The following CUX1 variants were observed in gnomAD, a reference collection of about 807,000 sequenced individuals.
CUX1 encodes protein CASP.
In CUX1, 31 loss-of-function variants were observed where a neutral mutation model predicts 158.8. The observed-to-expected ratio is 0.20, with a 90% CI of 0.15 to 0.26. The LOEUF is 0.26. Ranked by LOEUF, CUX1 falls within the 10% of genes least tolerant of loss-of-function variation. The probability of loss-of-function intolerance (pLI) is 1.00; values close to 1 mark genes in which losing one functional copy is unlikely to be tolerated. For synonymous variants in CUX1, 879 were observed against 862.1 expected (o/e 1.02, Z -0.34); for missense variants, 1,589 against 2,014.6 (o/e 0.79, Z 4.04).
At chr7:102,260,061 C>T (rs1353187190), downstream of CUX1, among the ~76,000 whole-genome samples, 2 of 151,036 alleles carry the variant, frequency 1.3e-5, no homozygotes, top group Admixed American at 1.3e-4. Context: ...CACCACTGCA[C>T]TCCAGCCTGG....
chr7:101,838,569 A>T (rs1372460815), intron 1 of CUX1, among the ~76,000 whole-genome samples: 8 of 150,934 alleles, frequency 5.3e-5, no homozygotes. Flanking sequence ...TGGGAGGCCG[A>T]GGTGGGTGGA....
At chr7:102,245,876 G>C (rs782270625) in intron 23 of CUX1, among the ~76,000 whole-genome samples, 1 of 151,718 alleles carries the variant, frequency 6.6e-6, no homozygotes, top group Non-Finnish European at 1.5e-5. Context: ...GGAGGCTGAG[G>C]CAGGAGAATC....
upstream of CUX1, chr7:101,817,494 C>A (rs1417568575): frequency 4.5e-6 from 5 of 1,119,660 alleles, no homozygotes; most frequent in African/African-American, 8.3e-5. This position sits in a 1 kb window ranked among gnomAD's most constrained non-coding sequence, Gnocchi z 4.1. Context: ...GCTCCCCGGC[C>A]CGCGCCCGAG....
intron 14 of CUX1, among the ~76,000 whole-genome samples, chr7:102,196,270 T>A (rs1554518292): frequency 6.6e-6 from 1 of 152,214 alleles, no homozygotes; most frequent in Non-Finnish European, 1.5e-5. Flanking sequence ...CAGTGTTTGC[T>A]GCTCCTCCGG....
intron 8 of CUX1, among the ~76,000 whole-genome samples, chr7:102,145,869 C>T (rs1036773617): frequency 6.6e-6 from 1 of 152,148 alleles, no homozygotes; most frequent in East Asian, 1.9e-4. Flanking sequence ...ATTGCTTGAA[C>T]CTGGGAGGCA....
chr7:102,086,888 A>G (rs1417710981), intron 4 of CUX1, among the ~76,000 whole-genome samples: 6 of 152,174 alleles, frequency 3.9e-5, no homozygotes, highest in African/African-American at 7.2e-5. Context: ...AGTTTATACA[A>G]TGACCTTCAT....
At chr7:102,085,162 TA>T (rs1827833585) in intron 4 of CUX1, among the ~76,000 whole-genome samples, 1 of 152,324 alleles carries the variant, frequency 6.6e-6, no homozygotes, top group East Asian at 1.9e-4. Flanking sequence ...CATGGTAAAA[TA>T]ATTTGATTCT....
At chr7:102,164,862 A>C (rs147174385) in intron 9 of CUX1, among the ~76,000 whole-genome samples, 1 of 152,062 alleles carries the variant, frequency 6.6e-6, no homozygotes, top group Non-Finnish European at 1.5e-5. Context: ...TTTAATGGCC[A>C]TGCAAGCAGA....
chr7:101,917,782 G>A (rs1391567727), intron 2 of CUX1, among the ~76,000 whole-genome samples: 2 of 152,084 alleles, frequency 1.3e-5, no homozygotes, highest in South Asian at 2.1e-4. Context: ...GTCACCCACC[G>A]TTCTGTATTG....
At chr7:102,199,183 C>T (rs1285139483) in intron 16 of CUX1, among the ~76,000 whole-genome samples, 1 of 152,188 alleles carries the variant, frequency 6.6e-6, no homozygotes, top group Non-Finnish European at 1.5e-5. Context: ...GAAAAAATAA[C>T]AGCGGTTGCT....
At chr7:102,105,302 A>T (rs1386979709) in intron 6 of CUX1, among the ~76,000 whole-genome samples, 1 of 152,060 alleles carries the variant, frequency 6.6e-6, no homozygotes, top group Non-Finnish European at 1.5e-5. Flanking sequence ...ATTACCTCAC[A>T]TATCAGGGAG....
chr7:102,044,458 G>A (rs1441989547), intron 3 of CUX1, among the ~76,000 whole-genome samples: 3 of 151,420 alleles, frequency 2.0e-5, no homozygotes, highest in Non-Finnish European at 4.4e-5. Context: ...CCAAAGTGCC[G>A]GGATTACAGG....
chr7:102,282,691 A>C, intron 21 of CUX1: 1 of 1,611,122 alleles, frequency 6.2e-7, no homozygotes, highest in Non-Finnish European at 8.5e-7. Flanking sequence ...CGGGCAGCTC[A>C]CCGTGTCTCC....
intron 5 of CUX1, among the ~76,000 whole-genome samples, chr7:102,101,378 C>G (rs1049486745): frequency 6.6e-5 from 10 of 152,310 alleles, no homozygotes; most frequent in Non-Finnish European, 1.3e-4. Flanking sequence ...TGCTGAGACA[C>G]CCAGCATCTG....
chr7:102,176,449 C>T (rs546910750), intron 10 of CUX1, among the ~76,000 whole-genome samples: 1 of 151,650 alleles, frequency 6.6e-6, no homozygotes, highest in South Asian at 2.1e-4. Context: ...ATTCGGCTGT[C>T]ATAGACACCA....
intron 14 of CUX1, among the ~76,000 whole-genome samples, chr7:102,269,463 T>C (rs1197412186): frequency 6.6e-6 from 1 of 151,808 alleles, no homozygotes; most frequent in East Asian, 1.9e-4. Context: ...TGGAGTACAA[T>C]GGTGCCATCT....
At position 102,257,399 on chromosome 7, in the gene CUX1, T is replaced by C. The variant is rs1484348658; in HGVS notation, c.*8357T>C. On this transcript the variant is annotated 3_prime_UTR_variant, in exon 24 of 24. Transcript: ENST00000292535. The stretch of plus-strand genomic sequence containing the variant: ...CCCTTGAGAAAACGGGCATCTCACG[T>C]ACCCCCATCTGAGACCTCTTGGAAA... 2 of 984,908 alleles carry C rather than the reference T, an allele frequency of 2.0e-6. No homozygotes were observed. Among genetic ancestry groups the C allele is most frequent in the African/African-American group, 3.5e-5 (2 of 57,094 alleles). The allele number at this position is 984,908 out of a possible 1,614,324, so 61.0% of individuals were successfully genotyped here. A position where few individuals can be genotyped will look rare whatever the true frequency, so the allele number is the denominator to read the frequency against.
chr7:102,112,734 C>T (rs530521848), intron 7 of CUX1, among the ~76,000 whole-genome samples: 8 of 152,116 alleles, frequency 5.3e-5, no homozygotes, highest in African/African-American at 1.9e-4. Context: ...TAATACCCGC[C>T]TAATTTTTGT....
intron 1 of CUX1, among the ~76,000 whole-genome samples, chr7:101,836,414 A>G (rs1584706749): frequency 6.6e-6 from 1 of 152,046 alleles, no homozygotes; most frequent in East Asian, 1.9e-4. Flanking sequence ...ATCTCTACAA[A>G]AAAAATGGCT....
Sources: allele counts gnomAD v4.1 joint callset (sites outside exome capture counted in the v4.1 genomes callset), GRCh38; gene constraint gnomAD v4.1.1; non-coding constraint Gnocchi (gnomAD v3.1); transcripts MANE v1.5; gene names NCBI Gene and HGNC (gene_info 2026-07-23, HGNC 2026-07-21).